PRLR: variants seen among roughly 807,000 people sequenced by gnomAD.
PRLR encodes prolactin receptor.
PRLR carries 13 observed loss-of-function variants against 40.2 expected under a neutral mutation model. That is an observed-to-expected ratio of 0.32 (90% CI 0.21 to 0.51). PRLR has a LOEUF of 0.51. Ranked by LOEUF, PRLR falls within the 20% of genes least tolerant of loss-of-function variation. The pLI is 0.97. For missense variants in PRLR, 656 were observed against 747.3 expected, an observed-to-expected ratio of 0.88 and a Z score of 1.42; for synonymous variants, 269 against 278.7, an observed-to-expected ratio of 0.97 and a Z score of 0.35.
intron 5 of PRLR, among the ~76,000 whole-genome samples, chr5:35,080,323 GAACTT>G (rs1197981354): frequency 9.2e-5 from 14 of 152,040 alleles, no homozygotes; most frequent in African/African-American, 3.1e-4. Flanking sequence ...AATCTACAAA[GAACTT>G]AAACACGTTT....
chr5:35,219,787 T>G (rs1387585754), intron 1 of PRLR, among the ~76,000 whole-genome samples: 3 of 152,226 alleles, frequency 2.0e-5, no homozygotes, highest in Non-Finnish European at 4.4e-5. Flanking sequence ...GGATTTGTTT[T>G]GTTCTGCTTA....
In PRLR at chr5:35,065,120, T is replaced by C. The variant is rs769707891; in HGVS notation, c.1838A>G (p.Asp613Gly). Residue 613 changes from aspartate to glycine, a missense_variant, in exon 10 of 10, where the codon GAT becomes GGT. Transcript: ENST00000618457. ...RLQLGGLDYL[D>G]PACFTHSFH ...AAAGGAGTGTGTAAAACATGCGGGA[T>C]CCAGGTAATCCAAACCACCCAGCTG... is the stretch of plus-strand genomic sequence containing the variant. 7 of 1,613,524 alleles carry C rather than the reference T, an allele frequency of 4.3e-6. No homozygotes were observed. Among genetic ancestry groups the C allele is most frequent in the Non-Finnish European group, 5.9e-6 (7 of 1,179,546 alleles).
chr5:35,115,544 C>G (rs924937611), intron 2 of PRLR, among the ~76,000 whole-genome samples: 2 of 152,116 alleles, frequency 1.3e-5, no homozygotes, highest in Admixed American at 6.6e-5. Context: ...TCCCGAGGAC[C>G]CTGGGCTGCT....
chr5:35,191,434 G>A (rs1356947696), intron 1 of PRLR, among the ~76,000 whole-genome samples: 17 of 152,146 alleles, frequency 1.1e-4, no homozygotes, highest in Non-Finnish European at 2.5e-4. Flanking sequence ...GGAAGTCTGA[G>A]GTGGCCAGGT....
At chr5:35,149,861 CTT>C (rs1049999522) in intron 1 of PRLR, among the ~76,000 whole-genome samples, 2 of 146,182 alleles carry the variant, frequency 1.4e-5, no homozygotes, top group African/African-American at 2.5e-5. Context: ...ACTACCTAGT[CTT>C]TTTTTTTTTT....
At chr5:35,067,532 C>T (rs1451632003) in intron 9 of PRLR, among the ~76,000 whole-genome samples, 1 of 152,164 alleles carries the variant, frequency 6.6e-6, no homozygotes, top group East Asian at 1.9e-4. Flanking sequence ...CACTGTCAGA[C>T]CCAGAGCAGC....
intron 1 of PRLR, among the ~76,000 whole-genome samples, chr5:35,176,145 G>A (rs1255007017): frequency 6.6e-6 from 1 of 151,942 alleles, no homozygotes; most frequent in East Asian, 1.9e-4. Flanking sequence ...ACTGTCCCTT[G>A]TTATCATCTA....
At chr5:35,091,235 C>G (rs1579625316) in intron 2 of PRLR, among the ~76,000 whole-genome samples, 1 of 152,196 alleles carries the variant, frequency 6.6e-6, no homozygotes, top group Non-Finnish European at 1.5e-5. Flanking sequence ...AAGATTCCTT[C>G]CAAGCAAATG....
intron 2 of PRLR, among the ~76,000 whole-genome samples, chr5:35,106,130 T>G (rs1294269418): frequency 1.3e-5 from 2 of 152,164 alleles, no homozygotes; most frequent in African/African-American, 2.4e-5. Flanking sequence ...CAAACTAAGC[T>G]TCATAAGTGA....
At chr5:35,200,849 C>A (rs768391914) in intron 1 of PRLR, among the ~76,000 whole-genome samples, 1 of 152,172 alleles carries the variant, frequency 6.6e-6, no homozygotes, top group Non-Finnish European at 1.5e-5. Context: ...ACAGACTTTG[C>A]GAAGATCACA....
rs1038358297 is a variant in PRLR, at chr5:35,101,236, A to G, written c.-43-11573T>C. On this transcript the variant is annotated intron_variant, in intron 2 of 9. Transcript: ENST00000618457. ...GTTCAACAACACCTGTTGGGTGACTATTTTTATAAAGTCATATAGAATGCA... is the reference window on the plus strand; with the variant it reads ...GTTCAACAACACCTGTTGGGTGACTGTTTTTATAAAGTCATATAGAATGCA... Among the ~76,000 whole-genome samples, 7 of 152,170 alleles carry G rather than the reference A, an allele frequency of 4.6e-5. No individual in the cohort carries two copies. In the East Asian group the frequency reaches 5.8e-4, roughly 13 times the overall value.
chr5:35,075,597 C>T (rs1370049361), intron 5 of PRLR, among the ~76,000 whole-genome samples: 1 of 152,210 alleles, frequency 6.6e-6, no homozygotes. Context: ...CCTCTGTGGA[C>T]TCCACCTCTG....
intron 1 of PRLR, among the ~76,000 whole-genome samples, chr5:35,129,542 C>T (rs1018176199): frequency 2.0e-5 from 3 of 152,122 alleles, no homozygotes; most frequent in African/African-American, 7.2e-5. Context: ...GGGGTTGAAA[C>T]TTAACTGGTC....
At chr5:35,110,191 G>A (rs182487242) in intron 2 of PRLR, among the ~76,000 whole-genome samples, 5 of 152,212 alleles carry the variant, frequency 3.3e-5, no homozygotes, top group African/African-American at 1.2e-4. Context: ...CACAGGGTGG[G>A]GAACAACACA....
In PRLR at chr5:35,222,042, T is replaced by C. The variant is rs749444831; in HGVS notation, c.-106+8226A>G. Among the ~76,000 whole-genome samples, 36 of 152,210 alleles carry C rather than the reference T, an allele frequency of 2.4e-4. 1 individual carries two copies. The highest frequency in any genetic ancestry group is 4.4e-4 in the Non-Finnish European group (30 of 68,038). Reference sequence around the variant, plus strand: ...GCTGTTGGCCGGGTGCAATGGCTCATGCCTGTAATCCCAGCACTTTGGGAG... The same window carrying C: ...GCTGTTGGCCGGGTGCAATGGCTCACGCCTGTAATCCCAGCACTTTGGGAG... On this transcript the variant is annotated intron_variant, in intron 1 of 9. Coordinates refer to ENST00000618457, the MANE Select transcript of PRLR (RefSeq NM_000949.7).
At chr5:35,114,094 C>A (rs998810414) in intron 2 of PRLR, among the ~76,000 whole-genome samples, 1 of 152,148 alleles carries the variant, frequency 6.6e-6, no homozygotes, top group East Asian at 1.9e-4. Flanking sequence ...GCTCGGTTGT[C>A]AGCTTGGAGT....
chr5:35,178,443 G>A (rs951998818), intron 1 of PRLR, among the ~76,000 whole-genome samples: 6 of 152,144 alleles, frequency 3.9e-5, no homozygotes, highest in Non-Finnish European at 8.8e-5. Context: ...ATACACACTG[G>A]TAGAATTTGT....
chr5:35,124,096 AG>A (rs1160678829), intron 1 of PRLR, among the ~76,000 whole-genome samples: 2 of 152,214 alleles, frequency 1.3e-5, no homozygotes, highest in Non-Finnish European at 2.9e-5. Flanking sequence ...GAAATCATTC[AG>A]GGCTGCTATA....
At chr5:35,208,965 G>A (rs1194881317) in intron 1 of PRLR, among the ~76,000 whole-genome samples, 2 of 151,956 alleles carry the variant, frequency 1.3e-5, no homozygotes, top group Admixed American at 1.3e-4. Flanking sequence ...TCCATATGAC[G>A]GAATGTTATA....
Sources: gnomAD v4.1 joint callset for allele counts (sites outside exome capture counted in the v4.1 genomes callset) on GRCh38, gnomAD v4.1.1 for gene constraint, MANE v1.5 for transcripts, NCBI Gene and HGNC (gene_info 2026-07-23, HGNC 2026-07-21) for gene names.